Variants in JAK1 observed in about 807,000 individuals in gnomAD.
JAK1 encodes the protein Janus kinase 1.
A neutral mutation model predicts 136.6 loss-of-function variants in JAK1; 16 were observed. That is an observed-to-expected ratio of 0.12 (90% confidence interval 0.08 to 0.18). The LOEUF (loss-of-function observed/expected upper bound fraction) is 0.18, where lower values mean the gene tolerates loss of function less well. JAK1 is among the 10% of genes least tolerant of loss of function. JAK1 has a pLI of 1.00. For missense variants in JAK1, 859 were observed against 1,450.1 expected (o/e 0.59, Z 6.62); for synonymous variants, 492 against 519.5 (o/e 0.95, Z 0.72).
intron 1 of JAK1, among the ~76,000 whole-genome samples, chr1:64,921,718 T>C (rs997450364): frequency 6.6e-6 from 1 of 152,042 alleles, no homozygotes; most frequent in African/African-American, 2.4e-5. Flanking sequence ...GAAATTGTTG[T>C]GATTATACTA....
chr1:64,966,431 G>T lies in JAK1; in HGVS notation c.-176C>A, dbSNP rs1355065467. ...GCGGCCAGCCCCGCGGGGCCCCAGC[G>T]TGCGCGCGCCCAGGGCTGAGGAGGG... On this transcript the variant is annotated 5_prime_UTR_variant, in exon 1 of 25. Transcript: ENST00000342505. 6.6e-6 allele frequency: 1 copy of T among 151,236 alleles called. No homozygotes were observed. The highest frequency in any genetic ancestry group is 2.4e-5 in the African/African-American group (1 of 41,326). The allele number at this position is 151,236 out of a possible 1,614,324, so 9.4% of individuals were successfully genotyped here.
intron 1 of JAK1, among the ~76,000 whole-genome samples, chr1:64,923,003 C>G (rs1308573389): frequency 6.6e-6 from 1 of 152,168 alleles, no homozygotes; most frequent in Non-Finnish European, 1.5e-5. Context: ...TACTTATTAG[C>G]TACTATAAAG....
At chr1:64,898,077 G>GGA (rs1393117368) in intron 1 of JAK1, among the ~76,000 whole-genome samples, 1 of 152,118 alleles carries the variant, frequency 6.6e-6, no homozygotes, top group African/African-American at 2.4e-5. Flanking sequence ...CATACAAAAA[G>GGA]GAAACTTCTT....
intron 24 of JAK1, among the ~76,000 whole-genome samples, chr1:64,834,897 C>T (rs1272784176): frequency 6.6e-6 from 1 of 152,200 alleles, no homozygotes; most frequent in Non-Finnish European, 1.5e-5. Flanking sequence ...AAATCCAGGT[C>T]ATTCCTGTAA....
At chr1:65,029,754 A>G (rs1417913496) in intron 2 of JAK1, among the ~76,000 whole-genome samples, 1 of 152,174 alleles carries the variant, frequency 6.6e-6, no homozygotes, top group African/African-American at 2.4e-5. Flanking sequence ...TGTGAGCTAA[A>G]TGATGAGAAC....
chr1:64,894,340 G>C (rs541314533), intron 1 of JAK1, among the ~76,000 whole-genome samples: 2 of 152,304 alleles, frequency 1.3e-5, no homozygotes, highest in African/African-American at 4.8e-5. Flanking sequence ...GCAACAATGG[G>C]AGACCACTCT....
At chr1:65,009,435 T>G (rs1286322339) in intron 2 of JAK1, among the ~76,000 whole-genome samples, 4 of 152,172 alleles carry the variant, frequency 2.6e-5, no homozygotes, top group Non-Finnish European at 5.9e-5. Flanking sequence ...ATGACATATG[T>G]TACATGCTTA....
At chr1:65,047,666 C>T (rs1342182229) in intron 1 of JAK1, among the ~76,000 whole-genome samples, 1 of 151,866 alleles carries the variant, frequency 6.6e-6, no homozygotes. Flanking sequence ...TTGCAGTGCG[C>T]CGAGATCACG....
Position 64,880,080 on chromosome 1 carries a change from C to T in JAK1, c.206-932G>A, listed in dbSNP as rs377534197. 4.6e-5 allele frequency among the ~76,000 whole-genome samples: 7 copies of T among 152,270 alleles called. No homozygotes were observed. In the East Asian group the frequency reaches 9.7e-4, roughly 21 times the overall value. On this transcript the variant is annotated intron_variant, in intron 3 of 24. Transcript: ENST00000342505. ...GGTAATAGGCACTTGTTTCCCAAATCGGACATCTGCAGTGAGACTGACACT... is the reference window on the plus strand; with the variant it reads ...GGTAATAGGCACTTGTTTCCCAAATTGGACATCTGCAGTGAGACTGACACT...
rs368532559 is a variant in JAK1, at chr1:65,029,243, T to C, written c.-78+15237A>G. Among the ~76,000 whole-genome samples the C allele has an allele frequency of 1.3e-4, 20 of 152,180 alleles. No homozygotes were observed. The East Asian group carries it at 3.5e-3, about 27-fold the overall frequency. On this transcript the variant is annotated intron_variant, in intron 2 of 25. Coordinates refer to the JAK1 transcript ENST00000671954. ...TCTCAAGTAGCTGGGACTACGGACA[T>C]GCACCACTGTGCCCAGCTAATTTTT...
intron 17 of JAK1, 125 bp downstream of exon 17, chr1:64,843,939 C>T: frequency 9.7e-7 from 1 of 1,031,882 alleles, no homozygotes; most frequent in Non-Finnish European, 1.5e-6. Flanking sequence ...ACCCAGTAGG[C>T]CCGTGAAGAG....
intron 1 of JAK1, among the ~76,000 whole-genome samples, chr1:64,934,262 A>T (rs1645748727): frequency 1.3e-5 from 2 of 152,232 alleles, no homozygotes; most frequent in Non-Finnish European, 2.9e-5. Flanking sequence ...AACTTGCTCA[A>T]CAAATGATGC....
chr1:65,029,082 G>A (rs1647001950), intron 2 of JAK1, among the ~76,000 whole-genome samples: 1 of 152,006 alleles, frequency 6.6e-6, no homozygotes, highest in South Asian at 2.1e-4. Flanking sequence ...TCTTACAATA[G>A]TGGGTATTTA....
intron 1 of JAK1, among the ~76,000 whole-genome samples, chr1:64,901,266 T>G (rs986552341): frequency 6.6e-6 from 1 of 152,210 alleles, no homozygotes; most frequent in Non-Finnish European, 1.5e-5. Context: ...ACCTAATCCA[T>G]GCAGACACCA....
At chr1:64,886,378 G>A in intron 1 of JAK1, 37 bp from the exon 2 acceptor site, 1 of 1,204,402 alleles carries the variant, frequency 8.3e-7, no homozygotes, top group Non-Finnish European at 1.1e-6. Flanking sequence ...CAGTGGCAGA[G>A]GTAATTGCAT....
chr1:65,053,055 A>G (rs867830974), intron 1 of JAK1, among the ~76,000 whole-genome samples: 1 of 149,270 alleles, frequency 6.7e-6, no homozygotes, highest in East Asian at 2.0e-4. Flanking sequence ...AAAAAAAAAA[A>G]AGACTAGAGG....
intron 1 of JAK1, among the ~76,000 whole-genome samples, chr1:64,914,640 T>G (rs1645360986): frequency 6.6e-6 from 1 of 152,228 alleles, no homozygotes; most frequent in Non-Finnish European, 1.5e-5. Flanking sequence ...CTCAGCTCAC[T>G]GCAACCTCTG....
chr1:65,029,454 C>T (rs1647004868), intron 2 of JAK1, among the ~76,000 whole-genome samples: 1 of 152,166 alleles, frequency 6.6e-6, no homozygotes, highest in African/African-American at 2.4e-5. Flanking sequence ...CCAGCAATCC[C>T]ATTACTGGGT....
chr1:64,977,165 G>A (rs11578144), intron 2 of JAK1, among the ~76,000 whole-genome samples: 197 of 151,806 alleles, frequency 1.3e-3, no homozygotes, highest in East Asian at 3.9e-3. Context: ...TTGTTTGTTT[G>A]TTGAGATAGG....
Sources: gnomAD v4.1 joint callset for allele counts (sites outside exome capture counted in the v4.1 genomes callset) on GRCh38, gnomAD v4.1.1 for gene constraint, MANE v1.5 for transcripts, NCBI Gene and HGNC (gene_info 2026-07-23, HGNC 2026-07-21) for gene names.